The following STPG2 variants were observed in gnomAD, a reference collection of about 807,000 sequenced individuals.
The protein encoded by STPG2 is sperm tail PG-rich repeat containing 2.
STPG2 carries 56 observed loss-of-function variants against 54.2 expected under a neutral mutation model. The ratio of observed to expected loss-of-function variants is 1.03; its 90% CI spans 0.83 to 1.29. The LOEUF (loss-of-function observed/expected upper bound fraction) is 1.29, where lower values mean the gene tolerates loss of function less well. Ranked by LOEUF, STPG2 falls within the 50% of genes most tolerant of loss-of-function variation. The probability of loss-of-function intolerance (pLI) is 0.00; values close to 1 mark genes in which losing one functional copy is unlikely to be tolerated. For synonymous variants in STPG2, 200 were observed against 181.8 expected, an observed-to-expected ratio of 1.10 and a Z score of -0.81; for missense variants, 596 against 544.9, an observed-to-expected ratio of 1.09 and a Z score of -0.93.
chr4:97,591,678 T>C (rs932839745), intron 10 of STPG2, among the ~76,000 whole-genome samples: 1 of 152,176 alleles, frequency 6.6e-6, no homozygotes, highest in African/African-American at 2.4e-5. Flanking sequence ...TCTGCCATGG[T>C]TCACTGCAAC....
chr4:97,767,999 C>G (rs1726105924), intron 9 of STPG2, among the ~76,000 whole-genome samples: 1 of 152,060 alleles, frequency 6.6e-6, no homozygotes, highest in Non-Finnish European at 1.5e-5. Context: ...AACCCCGTCT[C>G]TACTAAAAAC....
chr4:97,828,404 A>T (rs548051849), intron 9 of STPG2, among the ~76,000 whole-genome samples: 8 of 152,232 alleles, frequency 5.3e-5, no homozygotes, highest in African/African-American at 1.9e-4. Flanking sequence ...AGACCAGGAG[A>T]TTCCCTCCAG....
intron 10 of STPG2, among the ~76,000 whole-genome samples, chr4:97,585,110 A>AAC (rs1303524434): frequency 4.1e-5 from 6 of 146,526 alleles, no homozygotes; most frequent in Admixed American, 4.0e-4. Flanking sequence ...TCAAAAAAAA[A>AAC]AAAAAAAAAA....
chr4:98,106,558 G>A (rs1380168696), intron 4 of STPG2, among the ~76,000 whole-genome samples: 4 of 152,094 alleles, frequency 2.6e-5, no homozygotes, highest in Admixed American at 2.0e-4. Flanking sequence ...AATAAGCAGT[G>A]AGCAAGAGCC....
intron 9 of STPG2, among the ~76,000 whole-genome samples, chr4:97,721,323 A>G (rs1439505344): frequency 6.6e-6 from 1 of 152,132 alleles, no homozygotes; most frequent in Non-Finnish European, 1.5e-5. Flanking sequence ...ATCTACCAGA[A>G]AGCAGCTGTT....
At chr4:97,798,064 T>A (rs975286142) in intron 9 of STPG2, among the ~76,000 whole-genome samples, 7 of 152,218 alleles carry the variant, frequency 4.6e-5, no homozygotes, top group African/African-American at 9.6e-5. Context: ...TGCATCTATT[T>A]GATTCTTCTC....
chr4:97,887,889 G>C (rs1414949348), intron 8 of STPG2, among the ~76,000 whole-genome samples: 1 of 152,174 alleles, frequency 6.6e-6, no homozygotes, highest in Non-Finnish European at 1.5e-5. Flanking sequence ...GTGCAGCCTT[G>C]GGAAACTGCT....
At chr4:97,983,125 AG>A (rs949763456) in intron 5 of STPG2, among the ~76,000 whole-genome samples, 14 of 152,206 alleles carry the variant, frequency 9.2e-5, no homozygotes, top group African/African-American at 3.4e-4. Flanking sequence ...TGAGATAGAA[AG>A]ACCAACCCTT....
At chr4:97,453,324 G>T (rs908660340) in intron 4 of STPG2, among the ~76,000 whole-genome samples, 2 of 152,212 alleles carry the variant, frequency 1.3e-5, no homozygotes, top group African/African-American at 4.8e-5. Context: ...GTCTGACTGT[G>T]CAGTATCTGG....
intron 9 of STPG2, among the ~76,000 whole-genome samples, chr4:97,819,959 G>A (rs1476238925): frequency 6.6e-6 from 1 of 151,600 alleles, no homozygotes; most frequent in Non-Finnish European, 1.5e-5. Context: ...TGTTGGGATT[G>A]GTTTTTTGTT....
intron 10 of STPG2, among the ~76,000 whole-genome samples, chr4:97,704,270 C>T (rs1723876391): frequency 6.6e-6 from 1 of 152,170 alleles, no homozygotes. Flanking sequence ...TGATCCATAA[C>T]ATATAATTAT....
chr4:98,109,800 C>T (rs1370831680), intron 3 of STPG2, among the ~76,000 whole-genome samples: 1 of 152,070 alleles, frequency 6.6e-6, no homozygotes, highest in Non-Finnish European at 1.5e-5. Context: ...TTAAACACTA[C>T]CCTAGTTCAT....
chr4:97,999,467 C>A (rs1238418311), intron 5 of STPG2, among the ~76,000 whole-genome samples: 1 of 150,896 alleles, frequency 6.6e-6, no homozygotes, highest in Non-Finnish European at 1.5e-5. Flanking sequence ...GTTTGGGAGG[C>A]CGAGGTGGGC....
chr4:98,050,057 T>C (rs1196731436), intron 5 of STPG2, among the ~76,000 whole-genome samples: 2 of 152,308 alleles, frequency 1.3e-5, no homozygotes, highest in African/African-American at 2.4e-5. Context: ...AGGAAGCATA[T>C]GTATTTTTAC....
At chr4:97,473,865 C>A (rs951000467) in intron 4 of STPG2, among the ~76,000 whole-genome samples, 2 of 152,104 alleles carry the variant, frequency 1.3e-5, no homozygotes, top group Non-Finnish European at 2.9e-5. Context: ...TAGAAAAGAA[C>A]CTACATGAAA....
intron 9 of STPG2, among the ~76,000 whole-genome samples, chr4:97,771,946 G>A (rs1726233006): frequency 6.6e-6 from 1 of 152,184 alleles, no homozygotes; most frequent in Non-Finnish European, 1.5e-5. Context: ...AGGGCTGTGA[G>A]ATTGCTGAGG....
At chr4:97,750,595 C>A (rs906772766) in intron 9 of STPG2, among the ~76,000 whole-genome samples, 3 of 151,636 alleles carry the variant, frequency 2.0e-5, no homozygotes, top group African/African-American at 7.3e-5. Context: ...GATCAACCAC[C>A]TGTTGCAGCA....
rs573274859 is a variant in STPG2 at position 97,943,699 on chromosome 4, C to G, written c.1044+198G>C. Among the ~76,000 whole-genome samples, 5 of 152,240 alleles carry G rather than the reference C, an allele frequency of 3.3e-5. No individual in the cohort carries two copies. The South Asian group carries it at 8.3e-4, about 25-fold the overall frequency. On this transcript the variant is annotated intron_variant, in intron 8 of 10. Transcript: ENST00000295268. ...CAAGGGATGTTGCATGTAATAATCTCTCATATAGCAATTCTGGACTTTGGC... is the reference window on the plus strand; with the variant it reads ...CAAGGGATGTTGCATGTAATAATCTGTCATATAGCAATTCTGGACTTTGGC...
chr4:97,566,632 C>T (rs538958353), intron 10 of STPG2, among the ~76,000 whole-genome samples: 1 of 152,146 alleles, frequency 6.6e-6, no homozygotes, highest in Non-Finnish European at 1.5e-5. Flanking sequence ...GGAACCAACC[C>T]AAATGTCCAA....
Sources: allele counts gnomAD v4.1 joint callset (sites outside exome capture counted in the v4.1 genomes callset), GRCh38; gene constraint gnomAD v4.1.1; transcripts MANE v1.5; gene names NCBI Gene and HGNC (gene_info 2026-07-23, HGNC 2026-07-21).